FGF1: variants seen among roughly 807,000 people sequenced by gnomAD.
FGF1 encodes the protein fibroblast growth factor 1.
Under a neutral mutation model 13.4 loss-of-function variants are expected in FGF1, and 9 were observed. The ratio of observed to expected loss-of-function variants is 0.67; its 90% confidence interval spans 0.40 to 1.17. FGF1 has a LOEUF of 1.17. Ranked by LOEUF, FGF1 falls within the 50% of genes most tolerant of loss-of-function variation. The pLI is 0.01. For synonymous variants in FGF1, 93 were observed against 79.0 expected, an observed-to-expected ratio of 1.18 and a Z score of -0.94; for missense variants, 156 against 192.7, an observed-to-expected ratio of 0.81 and a Z score of 1.13.
chr5:142,684,888 G>C (rs1774394673), intron 1 of FGF1, among the ~76,000 whole-genome samples: 1 of 147,746 alleles, frequency 6.8e-6, no homozygotes, highest in Non-Finnish European at 1.5e-5. Context: ...TCGCATCCCT[G>C]TAGAGAATGA....
intron 2 of FGF1, among the ~76,000 whole-genome samples, chr5:142,610,073 C>T (rs1278289020): frequency 6.6e-6 from 1 of 152,166 alleles, no homozygotes; most frequent in Non-Finnish European, 1.5e-5. Flanking sequence ...CAAGCCCTCC[C>T]AGTTAGGAGC....
At chr5:142,629,881 A>G (rs952020705) in intron 1 of FGF1, among the ~76,000 whole-genome samples, 3 of 93,866 alleles carry the variant, frequency 3.2e-5, no homozygotes, top group Non-Finnish European at 7.6e-5. Context: ...TATATATTAT[A>G]TATATATATA....
chr5:142,676,156 C>T (rs555807501), intron 1 of FGF1, among the ~76,000 whole-genome samples: 42 of 152,266 alleles, frequency 2.8e-4, no homozygotes, highest in African/African-American at 9.6e-4. Context: ...AAAGGAACAG[C>T]AGGGAAACAG....
intron 1 of FGF1, among the ~76,000 whole-genome samples, chr5:142,615,941 A>C (rs1409336244): frequency 6.6e-6 from 1 of 152,206 alleles, no homozygotes; most frequent in East Asian, 1.9e-4. Context: ...TGTGACCCAA[A>C]GGTTGGCTAG....
At chr5:142,626,287 G>A (rs1003004313) in intron 1 of FGF1, among the ~76,000 whole-genome samples, 47 of 152,118 alleles carry the variant, frequency 3.1e-4, no homozygotes, top group Admixed American at 1.9e-3. Context: ...AGCTGTCCTC[G>A]ACTGAACTCA....
At position 142,640,857 on chromosome 5, in the gene FGF1, C is replaced by T. The variant is rs2151949741; in HGVS notation, c.-34-26696G>A. Among the ~76,000 whole-genome samples, 4 of 152,086 alleles carry T rather than the reference C, an allele frequency of 2.6e-5. No homozygotes were observed. The Middle Eastern group carries it at 0.01, about 388-fold the overall frequency. ...GCTATTTGCATCCTCCGTTTGGCCT[C>T]CCTTGGGAATCTTCAACTCCTCGAA... On this transcript the variant is annotated intron_variant, in intron 1 of 3. Transcript: ENST00000337706.
At chr5:142,613,441 G>A (rs543393931) in intron 2 of FGF1, among the ~76,000 whole-genome samples, 2 of 152,374 alleles carry the variant, frequency 1.3e-5, no homozygotes, top group Admixed American at 1.3e-4. Flanking sequence ...ACATCTGCGT[G>A]ATACGCAGAG....
chr5:142,666,028 A>G (rs913514013), intron 1 of FGF1, among the ~76,000 whole-genome samples: 1 of 152,080 alleles, frequency 6.6e-6, no homozygotes, highest in Non-Finnish European at 1.5e-5. Flanking sequence ...TCCACCACCC[A>G]GGGTCAGGAA....
upstream of FGF1, among the ~76,000 whole-genome samples, chr5:142,690,516 C>T (rs1009626082): frequency 2.0e-5 from 3 of 152,098 alleles, no homozygotes; most frequent in African/African-American, 7.2e-5. Context: ...TGTCTTTGTA[C>T]CCTGAATATG....
At chr5:142,674,537 G>A (rs1031448739) in intron 1 of FGF1, among the ~76,000 whole-genome samples, 3 of 152,196 alleles carry the variant, frequency 2.0e-5, no homozygotes, top group African/African-American at 7.2e-5. Flanking sequence ...AGAGTGAGAA[G>A]CCTTTAAAGA....
At chr5:142,663,249 G>GAA (rs60474431) in intron 1 of FGF1, among the ~76,000 whole-genome samples, 30,438 of 138,100 alleles carry the variant, frequency 0.22, 3,300 homozygotes, top group African/African-American at 0.28. Flanking sequence ...AATCAGGAAA[G>GAA]AAAAAAAAAA....
intron 1 of FGF1, among the ~76,000 whole-genome samples, chr5:142,645,541 C>G (rs560076362): frequency 6.6e-6 from 1 of 152,196 alleles, no homozygotes; most frequent in South Asian, 2.1e-4. Context: ...CTCTGATCCT[C>G]AAGTTCCTCA....
At chr5:142,649,560 C>T (rs1766827129) in intron 1 of FGF1, among the ~76,000 whole-genome samples, 1 of 152,130 alleles carries the variant, frequency 6.6e-6, no homozygotes, top group African/African-American at 2.4e-5. Flanking sequence ...GTGCCTGCCA[C>T]CACGCCCGGC....
chr5:142,681,566 C>G (rs1393911295), intron 1 of FGF1, among the ~76,000 whole-genome samples: 1 of 152,210 alleles, frequency 6.6e-6, no homozygotes, highest in African/African-American at 2.4e-5. Flanking sequence ...CATCTCTTAG[C>G]AGAATTTCCA....
upstream of FGF1, among the ~76,000 whole-genome samples, chr5:142,686,821 C>G (rs1751319142): frequency 6.6e-6 from 1 of 152,202 alleles, no homozygotes; most frequent in South Asian, 2.1e-4. Flanking sequence ...CTCCACTGTT[C>G]AAGCCTGTCC....
intron 1 of FGF1, among the ~76,000 whole-genome samples, chr5:142,659,068 G>T (rs899725370): frequency 1.3e-5 from 2 of 152,134 alleles, no homozygotes; most frequent in African/African-American, 4.8e-5. Context: ...GTTGGGGGAA[G>T]AATGTCTGAA....
intron 1 of FGF1, among the ~76,000 whole-genome samples, chr5:142,662,144 C>T (rs4912645): frequency 0.059 from 8,910 of 152,016 alleles, 297 homozygotes; most frequent in African/African-American, 0.085. Context: ...GAGGGGGAAG[C>T]GGGGAATGAC....
intron 1 of FGF1, among the ~76,000 whole-genome samples, chr5:142,632,402 C>G (rs573007912): frequency 1.0e-3 from 155 of 152,288 alleles, no homozygotes; most frequent in African/African-American, 3.5e-3. Flanking sequence ...CAGAATTTCT[C>G]TTATCAACAG....
At chr5:142,651,746 A>G (rs1391059364) in intron 1 of FGF1, among the ~76,000 whole-genome samples, 1 of 152,096 alleles carries the variant, frequency 6.6e-6, no homozygotes. Context: ...ATCATGCAGA[A>G]CATAGTCTTT....
Sources: gnomAD v4.1 joint callset for allele counts (sites outside exome capture counted in the v4.1 genomes callset) on GRCh38, gnomAD v4.1.1 for gene constraint, MANE v1.5 for transcripts, NCBI Gene and HGNC (gene_info 2026-07-23, HGNC 2026-07-21) for gene names.